IRGM: variants seen among roughly 807,000 people sequenced by gnomAD.
IRGM encodes immunity-related GTPase family M protein.
For synonymous variants in IRGM, 98 were observed against 80.6 expected, an observed-to-expected ratio of 1.22 and a Z score of -1.16; for missense variants, 288 against 219.9, an observed-to-expected ratio of 1.31 and a Z score of -1.96.
intron 3 of IRGM, chr5:150,898,455 C>G: frequency 6.2e-7 from 1 of 1,613,448 alleles, no homozygotes; most frequent in Non-Finnish European, 8.5e-7. Context: ...CTGTAGTTCT[C>G]CAGCATCACA....
At chr5:150,881,788 G>A (rs556970803) in intron 3 of IRGM, among the ~76,000 whole-genome samples, 2 of 152,252 alleles carry the variant, frequency 1.3e-5, no homozygotes, top group Admixed American at 6.5e-5. Flanking sequence ...TCAAAGATAA[G>A]TTGCTATCCA....
At chr5:150,850,921 C>T (rs886180247), downstream of IRGM, among the ~76,000 whole-genome samples, 2 of 152,176 alleles carry the variant, frequency 1.3e-5, no homozygotes, top group Non-Finnish European at 2.9e-5. Flanking sequence ...GAGTATTACT[C>T]AGCTGGCACA....
At chr5:150,856,972 G>A (rs1175034654) in intron 1 of IRGM, among the ~76,000 whole-genome samples, 2 of 149,626 alleles carry the variant, frequency 1.3e-5, no homozygotes, top group Non-Finnish European at 3.0e-5. Context: ...GCGTACATGT[G>A]CACAATGTGC....
chr5:150,871,455 A>G (rs1189442928), intron 1 of IRGM, among the ~76,000 whole-genome samples: 3 of 152,322 alleles, frequency 2.0e-5, no homozygotes, highest in Non-Finnish European at 4.4e-5. Flanking sequence ...TTGTCTTCTC[A>G]GCTGATCAAA....
At chr5:150,856,909 A>C (rs989990690) in intron 1 of IRGM, among the ~76,000 whole-genome samples, 2 of 70,860 alleles carry the variant, frequency 2.8e-5, no homozygotes, top group Non-Finnish European at 5.0e-5. Context: ...TTAAATAAAT[A>C]AATATTTATT....
intron 2 of IRGM, among the ~76,000 whole-genome samples, chr5:150,878,598 T>C (rs1193699307): frequency 2.0e-5 from 3 of 152,150 alleles, no homozygotes; most frequent in East Asian, 3.8e-4. Context: ...TTAGAATTTA[T>C]CTTTATCCAT....
intron 1 of IRGM, among the ~76,000 whole-genome samples, chr5:150,861,700 A>T (rs1453820431): frequency 6.6e-6 from 1 of 152,200 alleles, no homozygotes; most frequent in East Asian, 1.9e-4. Flanking sequence ...AATAATGATG[A>T]CATTCAGGAC....
At chr5:150,874,915 A>G (rs1239004595) in intron 1 of IRGM, among the ~76,000 whole-genome samples, 1 of 152,188 alleles carries the variant, frequency 6.6e-6, no homozygotes, top group Non-Finnish European at 1.5e-5. Context: ...TGGGTCATCA[A>G]GTTACCATGC....
At chr5:150,883,471 C>T (rs1445190516) in intron 3 of IRGM, among the ~76,000 whole-genome samples, 3 of 134,106 alleles carry the variant, frequency 2.2e-5, no homozygotes, top group Non-Finnish European at 4.4e-5. Context: ...ACATTTGTTT[C>T]TTGAAAAGAT....
chr5:150,875,720 C>T (rs1014303745), intron 1 of IRGM, among the ~76,000 whole-genome samples: 2 of 152,210 alleles, frequency 1.3e-5, no homozygotes, highest in East Asian at 3.8e-4. Context: ...TAGACTTCCA[C>T]TCACCGAGGC....
At chr5:150,896,769 G>A in intron 3 of IRGM, 1 of 1,613,710 alleles carries the variant, frequency 6.2e-7, no homozygotes, top group Non-Finnish European at 8.5e-7. Flanking sequence ...TGATGCCTCA[G>A]TCACTGTTTT....
intron 1 of IRGM, among the ~76,000 whole-genome samples, chr5:150,861,538 C>A (rs1754136055): frequency 6.6e-6 from 1 of 152,122 alleles, no homozygotes; most frequent in African/African-American, 2.4e-5. Flanking sequence ...AGATTACCAC[C>A]AGCTTTCACT....
At chr5:150,861,847 G>GA (rs1458747607) in intron 1 of IRGM, among the ~76,000 whole-genome samples, 2 of 151,934 alleles carry the variant, frequency 1.3e-5, no homozygotes, top group South Asian at 4.1e-4. Context: ...TGAATTATTT[G>GA]AAAAAAATAT....
intron 1 of IRGM, among the ~76,000 whole-genome samples, chr5:150,856,281 A>T (rs971025083): frequency 1.6e-4 from 24 of 152,192 alleles, no homozygotes; most frequent in African/African-American, 5.3e-4. Context: ...AAGTACAAAA[A>T]TTAGCCAGGC....
intron 3 of IRGM, among the ~76,000 whole-genome samples, chr5:150,887,021 A>T (rs1408118146): frequency 6.6e-6 from 1 of 151,828 alleles, no homozygotes; most frequent in East Asian, 1.9e-4. Flanking sequence ...GATCTTTCTA[A>T]TGTTTTGATG....
intron 3 of IRGM, among the ~76,000 whole-genome samples, chr5:150,886,338 A>T (rs1249243445): frequency 6.6e-6 from 1 of 152,026 alleles, no homozygotes; most frequent in African/African-American, 2.4e-5. Flanking sequence ...ATCAATGTGT[A>T]TCAATATTGG....
intron 2 of IRGM, among the ~76,000 whole-genome samples, chr5:150,878,574 A>G (rs7715993): frequency 2.3e-4 from 35 of 152,032 alleles, no homozygotes; most frequent in African/African-American, 8.5e-4. Flanking sequence ...TGAGCTCATC[A>G]CTATGAAATT....
chr5:150,897,143 G>A, intron 3 of IRGM: 1 of 475,786 alleles, frequency 2.1e-6, no homozygotes, highest in African/African-American at 2.0e-5. Flanking sequence ...TGAATAGACA[G>A]ACAAGAATGT....
intron 1 of IRGM, among the ~76,000 whole-genome samples, chr5:150,856,667 G>T (rs1754056056): frequency 6.6e-6 from 1 of 150,464 alleles, no homozygotes; most frequent in Non-Finnish European, 1.5e-5. Context: ...ACAGGGTATT[G>T]CTATGTTTCC....
Sources: allele counts gnomAD v4.1 joint callset (sites outside exome capture counted in the v4.1 genomes callset), GRCh38; gene constraint gnomAD v4.1.1; transcripts MANE v1.5; gene names NCBI Gene and HGNC (gene_info 2026-07-23, HGNC 2026-07-21).